Variants in AHDC1 observed in about 807,000 individuals in gnomAD.
The protein encoded by AHDC1 is transcription factor Gibbin.
AHDC1 carries 7 observed loss-of-function variants against 87.9 expected under a neutral mutation model. The observed-to-expected ratio is 0.08, with a 90% confidence interval of 0.05 to 0.15. AHDC1 has a LOEUF of 0.15. Among genes scored for constraint, AHDC1 ranks in the 10% least tolerant of loss-of-function variants. AHDC1 has a pLI of 1.00. For missense variants in AHDC1, 1,841 were observed against 2,253.2 expected, an observed-to-expected ratio of 0.82 and a Z score of 3.70; for synonymous variants, 1,051 against 1,006.8, an observed-to-expected ratio of 1.04 and a Z score of -0.83.
chr1:27,592,939 G>A (rs534739535), intron 3 of AHDC1, among the ~76,000 whole-genome samples: 22 of 152,290 alleles, frequency 1.4e-4, no homozygotes, highest in Admixed American at 1.2e-3. Context: ...CAGGCTGGAC[G>A]GGAGAGGGGC....
rs1191202047 is a variant in AHDC1 at position 27,585,970 on chromosome 1, C to T, written c.-629+17427G>A. Reference sequence around the variant, plus strand: ...GGATTAATGAATAACTGAAATCATACCCCCGGATATGTCCATAGATACTAA... The same window carrying T: ...GGATTAATGAATAACTGAAATCATATCCCCGGATATGTCCATAGATACTAA... On this transcript the variant is annotated intron_variant, in intron 3 of 8. Transcript: ENST00000673934. Among the ~76,000 whole-genome samples, 6 of 152,312 alleles carry T rather than the reference C, an allele frequency of 3.9e-5. No homozygotes were observed. The East Asian group carries it at 9.6e-4, about 24-fold the overall frequency.
chr1:27,578,395 C>T (rs985925003), intron 3 of AHDC1, among the ~76,000 whole-genome samples: 2 of 152,032 alleles, frequency 1.3e-5, no homozygotes, highest in Non-Finnish European at 1.5e-5. Flanking sequence ...TCGAGACCAG[C>T]CTGGCCAACA....
rs544095869 is a variant in AHDC1, at chr1:27,545,331, T to C, written c.*43+1930A>G. ...TGCTGGACAGATGTCTCTAGAACAATGGAATGCATTGGTTTGAGGACAGCG... is the reference window on the plus strand; with the variant it reads ...TGCTGGACAGATGTCTCTAGAACAACGGAATGCATTGGTTTGAGGACAGCG... On this transcript the variant is annotated intron_variant, in intron 8 of 8. Transcript: ENST00000673934. 7.2e-5 allele frequency among the ~76,000 whole-genome samples: 11 copies of C among 151,970 alleles called. No homozygotes were observed. The South Asian group carries it at 1.3e-3, about 17-fold the overall frequency.
intron 3 of AHDC1, among the ~76,000 whole-genome samples, chr1:27,575,876 T>A (rs1365865234): frequency 7.4e-6 from 1 of 134,282 alleles, no homozygotes; most frequent in African/African-American, 2.8e-5. Flanking sequence ...CCGGGCCCTC[T>A]GCTGCCCGCT....
intron 3 of AHDC1, among the ~76,000 whole-genome samples, chr1:27,589,800 G>C (rs2089172829): frequency 6.6e-6 from 1 of 152,148 alleles, no homozygotes; most frequent in Non-Finnish European, 1.5e-5. Context: ...CCCATAATGG[G>C]ATCATTCGTC....
At chr1:27,592,219 C>T (rs1380256153) in intron 3 of AHDC1, among the ~76,000 whole-genome samples, 1 of 152,216 alleles carries the variant, frequency 6.6e-6, no homozygotes, top group Admixed American at 6.5e-5. Flanking sequence ...GGGGCTGCAA[C>T]AGGCCACCAG....
rs772205875 is a variant in AHDC1, at chr1:27,551,503, T to TAGGCTC, written c.607_612dup (p.Glu203_Pro204dup). Reference sequence around the variant, plus strand: ...CCTTGGCCAGGCTGGGGACTGTCCCTAGGCTCAGGCTCAGGCTCGTAGAGG... The same window carrying TAGGCTC: ...CCTTGGCCAGGCTGGGGACTGTCCCTAGGCTCAGGCTCAGGCTCAGGCTCGTAGAGG... On this transcript the variant is annotated inframe_insertion, in exon 8 of 9. Transcript: ENST00000673934. The TAGGCTC allele has an allele frequency of 2.5e-6, 4 of 1,606,108 alleles. No homozygotes were observed. Among genetic ancestry groups the TAGGCTC allele is most frequent in the Middle Eastern group, 1.7e-4 (1 of 6,042 alleles).
At chr1:27,546,594 C>T (rs1236312478) in intron 8 of AHDC1, among the ~76,000 whole-genome samples, 4 of 152,220 alleles carry the variant, frequency 2.6e-5, no homozygotes, top group Non-Finnish European at 5.9e-5. Flanking sequence ...ACCCCACATG[C>T]TCCTGGCCAC....
At chr1:27,579,746 A>G (rs969687583) in intron 3 of AHDC1, among the ~76,000 whole-genome samples, 9 of 152,334 alleles carry the variant, frequency 5.9e-5, no homozygotes, top group African/African-American at 1.7e-4. Context: ...TGCACTGTCT[A>G]TGACTGCTTT....
chr1:27,561,097 T>C lies in AHDC1; in HGVS notation c.-628-2214A>G, dbSNP rs1013667754. 2.0e-5 allele frequency among the ~76,000 whole-genome samples: 3 copies of C among 152,090 alleles called. No individual in the cohort carries two copies. Among genetic ancestry groups the C allele is most frequent in the Non-Finnish European group, 4.4e-5 (3 of 68,004 alleles). ...TGATCTGTCCCCCCTTTCCCTGTGGTTGGGTGGGCACAGAAACACAGCCCG... is the reference window on the plus strand; with the variant it reads ...TGATCTGTCCCCCCTTTCCCTGTGGCTGGGTGGGCACAGAAACACAGCCCG... On this transcript the variant is annotated intron_variant, in intron 3 of 8. Transcript: ENST00000673934. The surrounding 1 kb of genome is among the most constrained non-coding windows in gnomAD (Gnocchi z 4.2).
chr1:27,574,428 T>C (rs60162414), intron 3 of AHDC1, among the ~76,000 whole-genome samples: 15,951 of 152,158 alleles, frequency 0.1, 2,326 homozygotes, highest in African/African-American at 0.33. Flanking sequence ...AAATGTTGTG[T>C]AACTTTGAGC....
rs1027429255 is a variant in AHDC1, at chr1:27,547,105, G to A, written c.*43+156C>T. ...TCCTCCTGAGACTGTCCGCAACAGC[G>A]AATCCTGAATCCCTACACCCTGCTC... On this transcript the variant is annotated intron_variant, in intron 8 of 8. Transcript: ENST00000673934. This position sits in a 1 kb window ranked among gnomAD's most constrained non-coding sequence, Gnocchi z 4.9. 2.6e-5 allele frequency among the ~76,000 whole-genome samples: 4 copies of A among 151,344 alleles called. No individual in the cohort carries two copies. The highest frequency in any genetic ancestry group is 9.7e-5 in the African/African-American group (4 of 41,092).
At chr1:27,536,234 C>T (rs373673635) in intron 8 of AHDC1, among the ~76,000 whole-genome samples, 3 of 152,192 alleles carry the variant, frequency 2.0e-5, no homozygotes, top group African/African-American at 4.8e-5. Context: ...CAGTCAGCCC[C>T]GGGGACGACT....
At chr1:27,566,184 C>T (rs575110393) in intron 3 of AHDC1, among the ~76,000 whole-genome samples, 34 of 151,778 alleles carry the variant, frequency 2.2e-4, no homozygotes, top group African/African-American at 6.0e-4. Context: ...AGACAGGGGG[C>T]GGGAGAAATC....
Position 27,564,283 on chromosome 1 carries a change from G to A in AHDC1, c.-628-5400C>T, listed in dbSNP as rs552669920. On this transcript the variant is annotated intron_variant, in intron 3 of 8. Transcript: ENST00000673934. ...GCAGCAGCTCAGCCTCTTTGGCTTC[G>A]GGGAGGGGGGAAGGGGCCGCAGTGA... is the stretch of plus-strand genomic sequence containing the variant. 9.2e-4 allele frequency among the ~76,000 whole-genome samples: 140 copies of A among 152,212 alleles called. 1 individual carries two copies. Among genetic ancestry groups the A allele is most frequent in the African/African-American group, 3.2e-3 (131 of 41,542 alleles).
intron 3 of AHDC1, among the ~76,000 whole-genome samples, chr1:27,581,931 C>T (rs1468546575): frequency 6.6e-6 from 1 of 152,224 alleles, no homozygotes; most frequent in African/African-American, 2.4e-5. Flanking sequence ...CACACACTCA[C>T]TCCGTTCTGG....
At chr1:27,537,356 A>G (rs1295946955) in intron 8 of AHDC1, among the ~76,000 whole-genome samples, 1 of 152,176 alleles carries the variant, frequency 6.6e-6, no homozygotes, top group East Asian at 1.9e-4. Flanking sequence ...AACCAGGGTA[A>G]TTACCACGCA....
rs753013206 is a variant in AHDC1, at chr1:27,590,836, C to T, written c.-629+12561G>A. Among the ~76,000 whole-genome samples the T allele has an allele frequency of 3.3e-5, 5 of 152,096 alleles. No individual in the cohort carries two copies. In the South Asian group the frequency reaches 6.2e-4, roughly 19 times the overall value. On this transcript the variant is annotated intron_variant, in intron 3 of 8. Coordinates refer to ENST00000673934, the MANE Select transcript of AHDC1 (RefSeq NM_001371928.1). This position sits in a 1 kb window ranked among gnomAD's most constrained non-coding sequence, Gnocchi z 5.4. ...CTTTCTCGTGGGAGGGTGCAATTTC[C>T]GGAGGGGATGAGCATCAGCTGGAGG...
chr1:27,603,861 A>T lies in AHDC1; in HGVS notation c.-860T>A, dbSNP rs2089611710. The T allele has an allele frequency of 6.6e-6, 1 of 151,164 alleles. No homozygotes were observed. Among genetic ancestry groups the T allele is most frequent in the South Asian group, 2.1e-4 (1 of 4,772 alleles). 9.4% of individuals were successfully genotyped at this position (151,164 alleles called of 1,614,324 possible). ...CTCTCTCTGCCTTTCTCTGCTCTCC[A>T]AGCTGGGTGGGAAAAGGAAATGAGG... On this transcript the variant is annotated splice_region_variant and 5_prime_UTR_variant, in exon 2 of 9. Transcript: ENST00000673934.
Sources: gnomAD v4.1 joint callset for allele counts (sites outside exome capture counted in the v4.1 genomes callset) on GRCh38, gnomAD v4.1.1 for gene constraint, Gnocchi (gnomAD v3.1) non-coding constraint, MANE v1.5 for transcripts, NCBI Gene and HGNC (gene_info 2026-07-23, HGNC 2026-07-21) for gene names.